The following CHSY3 variants were observed in gnomAD, a reference collection of about 807,000 sequenced individuals.
The protein encoded by CHSY3 is N-acetylgalactosaminyl-proteoglycan 3-beta-glucuronosyltransferase 3.
In CHSY3, 35 loss-of-function variants were observed where a neutral mutation model predicts 67.2. That is an observed-to-expected ratio of 0.52 (90% CI 0.40 to 0.69). CHSY3 has a LOEUF of 0.69. Ranked by LOEUF, CHSY3 falls within the 30% of genes least tolerant of loss-of-function variation. The probability of loss-of-function intolerance (pLI) is 0.00; values close to 1 mark genes in which losing one functional copy is unlikely to be tolerated. For synonymous variants in CHSY3, 474 were observed against 434.7 expected (o/e 1.09, Z -1.12); for missense variants, 1,069 against 1,138.5 (o/e 0.94, Z 0.88).
intron 2 of CHSY3, among the ~76,000 whole-genome samples, chr5:130,143,734 G>GTGTGTATATATATATATATA (rs1223966105): frequency 2.0e-4 from 19 of 94,656 alleles, no homozygotes; most frequent in Non-Finnish European, 2.8e-4. Flanking sequence ...GTGTGTGTGT[G>GTGTGTATATATATATATATA]TATATATATA....
In CHSY3 at chr5:130,145,102, A is replaced by T. The variant is rs62393212; in HGVS notation, c.1087-39127A>T. Among the ~76,000 whole-genome samples the T allele has an allele frequency of 4.5e-3, 685 of 152,252 alleles. 5 individuals are homozygous for T. Among genetic ancestry groups the T allele is most frequent in the Non-Finnish European group, 5.7e-3 (388 of 68,016 alleles). On this transcript the variant is annotated intron_variant, in intron 2 of 2. Transcript: ENST00000305031. Reference sequence around the variant, plus strand: ...AGCACCAAGGGGCTGGTGCTAAACCATTAAAGAGAAACCACCCACACAACC... The same window carrying T: ...AGCACCAAGGGGCTGGTGCTAAACCTTTAAAGAGAAACCACCCACACAACC...
intron 2 of CHSY3, among the ~76,000 whole-genome samples, chr5:129,947,742 T>C (rs1248136790): frequency 6.6e-6 from 1 of 152,196 alleles, no homozygotes; most frequent in African/African-American, 2.4e-5. Flanking sequence ...TCTATCAGTA[T>C]AAATGTTCCT....
chr5:129,977,938 G>T (rs55813158), intron 2 of CHSY3, among the ~76,000 whole-genome samples: 63 of 150,902 alleles, frequency 4.2e-4, no homozygotes, highest in African/African-American at 1.5e-3. Flanking sequence ...ATGGATTTCT[G>T]AGTGGAGATT....
intron 2 of CHSY3, among the ~76,000 whole-genome samples, chr5:130,044,682 A>G (rs1765094036): frequency 6.6e-6 from 1 of 152,138 alleles, no homozygotes; most frequent in Admixed American, 6.6e-5. Context: ...GATATGTATT[A>G]TAAAGAAGAT....
chr5:130,099,043 C>T (rs1261244036), intron 2 of CHSY3, among the ~76,000 whole-genome samples: 1 of 152,150 alleles, frequency 6.6e-6, no homozygotes, highest in East Asian at 1.9e-4. Context: ...ATCCCAAAAG[C>T]AGTTGGGCAG....
chr5:130,011,808 T>C (rs1764069825), intron 2 of CHSY3, among the ~76,000 whole-genome samples: 1 of 152,128 alleles, frequency 6.6e-6, no homozygotes, highest in Non-Finnish European at 1.5e-5. Flanking sequence ...AGTGTTTCTA[T>C]ACACAAATAA....
chr5:129,932,140 A>ATATATATATG lies in CHSY3; in HGVS notation c.1086+23783_1086+23784insATATATGTAT, dbSNP rs1183646627. Among the ~76,000 whole-genome samples the ATATATATATG allele has an allele frequency of 6.7e-4, 92 of 136,338 alleles. 2 individuals are homozygous for ATATATATATG. The highest frequency in any genetic ancestry group is 2.3e-3 in the African/African-American group (77 of 33,928). 89.4% of individuals were successfully genotyped at this position (136,338 alleles called of 152,430 possible). On this transcript the variant is annotated intron_variant, in intron 2 of 2. Coordinates refer to ENST00000305031, the MANE Select transcript of CHSY3 (RefSeq NM_175856.5). ...TATATATATATATATATATATATAT[A>ATATATATATG]TATGTATATGAGAGTTAGCTATCTA... is the stretch of plus-strand genomic sequence containing the variant.
intron 2 of CHSY3, among the ~76,000 whole-genome samples, chr5:129,963,457 T>C (rs183869311): frequency 2.0e-5 from 3 of 152,158 alleles, no homozygotes; most frequent in Admixed American, 6.6e-5. Context: ...ATGGGACTGG[T>C]ATAACATTTA....
rs145578186 is a variant in CHSY3 at position 130,028,541 on chromosome 5, T to C, written c.1086+120181T>C. On this transcript the variant is annotated intron_variant, in intron 2 of 2. Coordinates refer to ENST00000305031, the MANE Select transcript of CHSY3 (RefSeq NM_175856.5). Reference sequence around the variant, plus strand: ...AATTATGAACTATTATTACAATTACTATTTTGGCTAAGCATCCAACATGTC... The same window carrying C: ...AATTATGAACTATTATTACAATTACCATTTTGGCTAAGCATCCAACATGTC... 3.3e-5 allele frequency among the ~76,000 whole-genome samples: 5 copies of C among 152,328 alleles called. No homozygotes were observed. In the East Asian group the frequency reaches 7.7e-4, roughly 23 times the overall value.
chr5:130,014,196 C>T (rs1457741709), intron 2 of CHSY3, among the ~76,000 whole-genome samples: 1 of 152,142 alleles, frequency 6.6e-6, no homozygotes, highest in Non-Finnish European at 1.5e-5. Flanking sequence ...CCAACTGTCC[C>T]ACATTTTTCT....
chr5:130,115,777 C>T (rs185338671), intron 2 of CHSY3, among the ~76,000 whole-genome samples: 5 of 152,318 alleles, frequency 3.3e-5, no homozygotes, highest in South Asian at 2.1e-4. Context: ...TGCTAACTAA[C>T]GTAGTCTGAG....
At chr5:129,958,889 A>C (rs776284277) in intron 2 of CHSY3, among the ~76,000 whole-genome samples, 2 of 152,050 alleles carry the variant, frequency 1.3e-5, no homozygotes, top group African/African-American at 4.8e-5. Flanking sequence ...GAGAGAGATT[A>C]TTTTTGAATG....
chr5:129,935,794 C>T (rs1371063646), intron 2 of CHSY3, among the ~76,000 whole-genome samples: 1 of 152,158 alleles, frequency 6.6e-6, no homozygotes, highest in Non-Finnish European at 1.5e-5. Flanking sequence ...CAAGTGTTGA[C>T]TTGTATGGCT....
intron 2 of CHSY3, among the ~76,000 whole-genome samples, chr5:129,995,228 T>C (rs754818603): frequency 1.3e-5 from 2 of 152,158 alleles, no homozygotes; most frequent in Non-Finnish European, 2.9e-5. Context: ...CATGTGTATA[T>C]CCTTTTTGTA....
intron 2 of CHSY3, among the ~76,000 whole-genome samples, chr5:130,020,462 T>TATATATATATATATATATATATATATA (rs1491353527): frequency 6.3e-5 from 1 of 15,916 alleles, no homozygotes; most frequent in African/African-American, 2.6e-4. Context: ...TATATATATA[T>TATATATATATATATATATATATATATA]TTTTTTTTTT....
intron 2 of CHSY3, among the ~76,000 whole-genome samples, chr5:129,970,161 C>T (rs761592270): frequency 9.9e-5 from 15 of 151,910 alleles, no homozygotes; most frequent in Middle Eastern, 3.4e-3. Context: ...TTGCTTCTTT[C>T]GTAAGACTTA....
At chr5:130,087,773 A>G (rs1280207269) in intron 2 of CHSY3, among the ~76,000 whole-genome samples, 1 of 151,760 alleles carries the variant, frequency 6.6e-6, no homozygotes, top group Non-Finnish European at 1.5e-5. Flanking sequence ...AATCAATATC[A>G]TGAAAATGGC....
At chr5:130,078,436 A>G (rs930054270) in intron 2 of CHSY3, among the ~76,000 whole-genome samples, 3 of 152,112 alleles carry the variant, frequency 2.0e-5, no homozygotes, top group African/African-American at 7.2e-5. Context: ...CAGCTGCCCC[A>G]TCTTGCTAAT....
intron 2 of CHSY3, among the ~76,000 whole-genome samples, chr5:130,135,186 A>G (rs1038331753): frequency 2.6e-5 from 4 of 151,942 alleles, no homozygotes; most frequent in Non-Finnish European, 5.9e-5. Context: ...ATGTGTGTAT[A>G]CATACATACA....
Sources: gnomAD v4.1 joint callset for allele counts (sites outside exome capture counted in the v4.1 genomes callset) on GRCh38, gnomAD v4.1.1 for gene constraint, MANE v1.5 for transcripts, NCBI Gene and HGNC (gene_info 2026-07-23, HGNC 2026-07-21) for gene names.